Variants in INTS2 observed in about 807,000 individuals in gnomAD.
INTS2 encodes KIAA1287.
Under a neutral mutation model 139.6 loss-of-function variants are expected in INTS2, and 57 were observed. The observed-to-expected ratio is 0.41, with a 90% confidence interval of 0.33 to 0.51. The LOEUF (loss-of-function observed/expected upper bound fraction) is 0.51, where lower values mean the gene tolerates loss of function less well. Ranked by LOEUF, INTS2 falls within the 20% of genes least tolerant of loss-of-function variation. INTS2 has a pLI of 0.28. For missense variants in INTS2, 1,196 were observed against 1,436.7 expected, an observed-to-expected ratio of 0.83 and a Z score of 2.71; for synonymous variants, 473 against 493.4, an observed-to-expected ratio of 0.96 and a Z score of 0.55.
At chr17:61,881,551 C>T (rs1351976686) in intron 16 of INTS2, among the ~76,000 whole-genome samples, 1 of 152,096 alleles carries the variant, frequency 6.6e-6, no homozygotes, top group Non-Finnish European at 1.5e-5. Flanking sequence ...GAGCCAGGAT[C>T]GCAACATTGC....
In INTS2 at chr17:61,926,494, C is replaced by T; in HGVS notation, c.151G>A (p.Asp51Asn). The T allele has an allele frequency of 6.2e-7, 1 of 1,613,972 alleles. No homozygotes were observed. The highest frequency in any genetic ancestry group is 8.5e-7 in the Non-Finnish European group (1 of 1,179,866). Reference protein sequence around the residue: ...LVRMALCAPADQSQSWAQDKK... With the variant: ...LVRMALCAPANQSQSWAQDKK... ...TCCTGAGCCCAGCTTTGGCTCTGGT[C>T]AGCAGGTGCACAAAGTGCCATCCGT... The change falls in exon 2 of 25, where the codon GAC becomes AAC. Residue 51 changes from aspartate (D) to asparagine (N), a missense_variant. Asp to Asn is a conservative substitution (Grantham distance 23). Coordinates refer to ENST00000251334, the MANE Select transcript of INTS2 (RefSeq NM_001351695.2).
chr17:61,894,814 T>C (rs967154915), intron 12 of INTS2, among the ~76,000 whole-genome samples: 2 of 150,726 alleles, frequency 1.3e-5, no homozygotes, highest in African/African-American at 4.9e-5. Context: ...TACCACTGTA[T>C]ACTAGCCTGG....
intron 5 of INTS2, among the ~76,000 whole-genome samples, chr17:61,917,933 T>C (rs1005297986): frequency 2.0e-5 from 3 of 152,078 alleles, no homozygotes; most frequent in Non-Finnish European, 4.4e-5. Context: ...GTATATTTTA[T>C]AATGAAAAAA....
intron 2 of INTS2, among the ~76,000 whole-genome samples, chr17:61,925,581 A>T (rs2079702747): frequency 6.6e-6 from 1 of 151,946 alleles, no homozygotes; most frequent in Non-Finnish European, 1.5e-5. Context: ...GGTCTAAAAA[A>T]AAATAAAAAT....
At chr17:61,908,860 A>C (rs1278819557) in intron 7 of INTS2, among the ~76,000 whole-genome samples, 2 of 152,136 alleles carry the variant, frequency 1.3e-5, no homozygotes, top group South Asian at 4.2e-4. Flanking sequence ...TGAATATTTT[A>C]AAAAACTATG....
rs921530482 is a variant in INTS2, at chr17:61,868,025, G to A, written c.3245-16C>T. The stretch of plus-strand genomic sequence containing the variant: ...TGTGTTAAAACTGTTGGAAAAAAAT[G>A]AAACAATATTTTAGTTTACAAATAT... On this transcript the variant is annotated splice_polypyrimidine_tract_variant and intron_variant, in intron 23 of 24. Transcript: ENST00000251334. The surrounding 1 kb of genome is among the most constrained non-coding windows in gnomAD (Gnocchi z 4.7). 3 of 1,539,404 alleles carry A rather than the reference G, an allele frequency of 1.9e-6. No individual in the cohort carries two copies. In the Middle Eastern group the frequency reaches 5.2e-4, roughly 266 times the overall value.
chr17:61,900,206 T>C (rs1218554764), intron 9 of INTS2, among the ~76,000 whole-genome samples: 1 of 152,176 alleles, frequency 6.6e-6, no homozygotes, highest in Non-Finnish European at 1.5e-5. Flanking sequence ...ATCCATTTTA[T>C]ACCACGGAAT....
At chr17:61,884,669 G>A (rs1476423628) in intron 16 of INTS2, among the ~76,000 whole-genome samples, 2 of 152,044 alleles carry the variant, frequency 1.3e-5, no homozygotes, top group Admixed American at 1.3e-4. Flanking sequence ...CAACCTACAG[G>A]AGAAAAAAGC....
intron 5 of INTS2, among the ~76,000 whole-genome samples, chr17:61,918,343 G>A (rs895836704): frequency 9.2e-5 from 14 of 152,136 alleles, no homozygotes; most frequent in African/African-American, 2.9e-4. Context: ...ACAGATTGAA[G>A]CAATTCTCCT....
intron 3 of INTS2, among the ~76,000 whole-genome samples, chr17:61,922,271 G>A (rs1275506656): frequency 2.6e-5 from 4 of 151,854 alleles, no homozygotes; most frequent in African/African-American, 9.7e-5. Context: ...AGGAGTTCGA[G>A]ACCAGCCTGG....
At position 61,869,773 on chromosome 17, in the gene INTS2, A is replaced by G. The variant is rs2079074126; in HGVS notation, c.2994T>C (p.Ile998=). 1 of 1,613,874 alleles carries G rather than the reference A, an allele frequency of 6.2e-7. No individual in the cohort carries two copies. Among genetic ancestry groups the G allele is most frequent in the Non-Finnish European group, 8.5e-7 (1 of 1,179,784 alleles). Residue 998 remains isoleucine, a synonymous_variant, in exon 21 of 25, where the codon ATT becomes ATC. Transcript: ENST00000251334. The surrounding 1 kb of genome is among the most constrained non-coding windows in gnomAD (Gnocchi z 5.4). ...LICCLLHQMY[I]ADPNIAKLVH... ...CAAGCTTAGCAATGTTGGGATCTGC[A>G]ATGTACATTTGGTGCAAGAGACAAC...
rs116841291 is a variant in INTS2 at position 61,889,440 on chromosome 17, C to T, written c.1984+346G>A. Among the ~76,000 whole-genome samples the T allele has an allele frequency of 2.0e-3, 299 of 152,066 alleles. 3 individuals are homozygous for T. Among genetic ancestry groups the T allele is most frequent in the Non-Finnish European group, 3.0e-3 (206 of 67,974 alleles). On this transcript the variant is annotated intron_variant, in intron 15 of 24. Transcript: ENST00000251334. ...CTCTTTACACTAATGGAAGGAAGAC[C>T]GGTCAAAGACTCAACTCAAATCAAG...
At chr17:61,880,606 G>C (rs1224052425) in intron 17 of INTS2, among the ~76,000 whole-genome samples, 1 of 151,992 alleles carries the variant, frequency 6.6e-6, no homozygotes, top group Non-Finnish European at 1.5e-5. Context: ...AAAAAAATCA[G>C]CCAGGCCTGG....
intron 11 of INTS2, among the ~76,000 whole-genome samples, chr17:61,896,954 C>T (rs1374256758): frequency 6.6e-6 from 1 of 152,110 alleles, no homozygotes; most frequent in East Asian, 1.9e-4. Context: ...TGAAGAGATA[C>T]ATGTGGGTGC....
At chr17:61,883,342 ATC>A (rs1891298963) in intron 16 of INTS2, among the ~76,000 whole-genome samples, 1 of 150,506 alleles carries the variant, frequency 6.6e-6, no homozygotes, top group Non-Finnish European at 1.5e-5. Flanking sequence ...ATGAAACCAC[ATC>A]TCTACTTAAA....
rs1169410998 is a variant in INTS2 at position 61,909,268 on chromosome 17, G to A, written c.955-1634C>T. 2.0e-5 allele frequency among the ~76,000 whole-genome samples: 3 copies of A among 151,708 alleles called. No homozygotes were observed. Among genetic ancestry groups the A allele is most frequent in the Non-Finnish European group, 4.4e-5 (3 of 67,952 alleles). On this transcript the variant is annotated intron_variant, in intron 7 of 24. Transcript: ENST00000251334. The surrounding 1 kb of genome is among the most constrained non-coding windows in gnomAD (Gnocchi z 4.9). ...CTGGGACTACAGGCACGCACATCAC[G>A]CTCAGCTAATTTTTGTATTTTTAGT...
intron 7 of INTS2, among the ~76,000 whole-genome samples, chr17:61,908,473 A>G (rs560393924): frequency 6.6e-6 from 1 of 152,306 alleles, no homozygotes; most frequent in East Asian, 1.9e-4. Context: ...GGCAGGGACA[A>G]TGCCTTAGTC....
intron 3 of INTS2, among the ~76,000 whole-genome samples, chr17:61,923,692 T>C (rs2079676472): frequency 6.6e-6 from 1 of 152,114 alleles, no homozygotes; most frequent in Non-Finnish European, 1.5e-5. Context: ...TGGTGGTTGT[T>C]GTTTTTGAGG....
At chr17:61,924,127 C>T (rs1179069789) in intron 3 of INTS2, among the ~76,000 whole-genome samples, 2 of 152,180 alleles carry the variant, frequency 1.3e-5, no homozygotes, top group Non-Finnish European at 2.9e-5. Flanking sequence ...GTGATTGAGA[C>T]TAGCCAATCA....
Sources: allele counts gnomAD v4.1 joint callset (sites outside exome capture counted in the v4.1 genomes callset), GRCh38; gene constraint gnomAD v4.1.1; non-coding constraint Gnocchi (gnomAD v3.1); transcripts MANE v1.5; gene names NCBI Gene and HGNC (gene_info 2026-07-23, HGNC 2026-07-21).